The following SIPA1L1 variants were observed in gnomAD, a reference collection of about 807,000 sequenced individuals.
The protein encoded by SIPA1L1 is signal induced proliferation associated 1 like 1.
A neutral mutation model predicts 162.7 loss-of-function variants in SIPA1L1; 26 were observed. That is an observed-to-expected ratio of 0.16 (90% CI 0.12 to 0.22). The LOEUF (loss-of-function observed/expected upper bound fraction) is 0.22. SIPA1L1 is among the 10% of genes least tolerant of loss of function. SIPA1L1 has a pLI of 1.00. For synonymous variants in SIPA1L1, 829 were observed against 837.4 expected, an observed-to-expected ratio of 0.99 and a Z score of 0.17; for missense variants, 1,874 against 2,241.0, an observed-to-expected ratio of 0.84 and a Z score of 3.31.
At chr14:71,373,347 G>A (rs1396508139) in intron 2 of SIPA1L1, among the ~76,000 whole-genome samples, 1 of 151,674 alleles carries the variant, frequency 6.6e-6, no homozygotes, top group Non-Finnish European at 1.5e-5. Flanking sequence ...TATTGGACGG[G>A]TGTGGTAGCT....
chr14:71,388,939 T>A (rs1385781987), intron 2 of SIPA1L1, among the ~76,000 whole-genome samples: 1 of 152,108 alleles, frequency 6.6e-6, no homozygotes, highest in Non-Finnish European at 1.5e-5. Context: ...ATAAATAGGT[T>A]TTTAGTTTTT....
intron 2 of SIPA1L1, chr14:71,414,099 C>G (rs1441507049): frequency 1.3e-5 from 2 of 152,138 alleles, no homozygotes; most frequent in African/African-American, 4.8e-5. Context: ...TGCTATTTGG[C>G]CAGGCGCTGT....
At chr14:71,703,737 A>G (rs2082252593) in intron 15 of SIPA1L1, among the ~76,000 whole-genome samples, 1 of 152,210 alleles carries the variant, frequency 6.6e-6, no homozygotes, top group Admixed American at 6.5e-5. Context: ...GCTTTGAACA[A>G]GGCTGCCAGC....
intron 2 of SIPA1L1, among the ~76,000 whole-genome samples, chr14:71,413,536 A>C (rs149601714): frequency 3.1e-4 from 47 of 152,006 alleles, no homozygotes; most frequent in African/African-American, 1.1e-3. Flanking sequence ...TGAGGAGTTC[A>C]AGATTAGCCT....
chr14:71,671,060 T>C (rs2044470210), intron 10 of SIPA1L1, 59 bp from the exon 11 acceptor site: 1 of 1,333,146 alleles, frequency 7.5e-7, no homozygotes, highest in African/African-American at 1.5e-5. Context: ...GTATATTTTA[T>C]TCTGATGTTG....
chr14:71,486,543 C>T (rs2048770443), intron 2 of SIPA1L1, among the ~76,000 whole-genome samples: 1 of 152,160 alleles, frequency 6.6e-6, no homozygotes, highest in South Asian at 2.1e-4. Context: ...CTTTGCCAGC[C>T]CAAATAAAAT....
chr14:71,719,499 T>C lies in SIPA1L1; in HGVS notation c.4209-4148T>C, dbSNP rs141751010. 9.8e-5 allele frequency among the ~76,000 whole-genome samples: 15 copies of C among 152,288 alleles called. No homozygotes were observed. In the East Asian group the frequency reaches 1.9e-3, roughly 20 times the overall value. On this transcript the variant is annotated intron_variant, in intron 17 of 23. Coordinates refer to ENST00000381232, the MANE Select transcript of SIPA1L1 (RefSeq NM_001386936.1). ...CTGGTAGGTGTGTAATGGTCCTTCA[T>C]TGTGGTTTTAATTTACATTTTCCTA...
intron 3 of SIPA1L1, among the ~76,000 whole-genome samples, chr14:71,517,938 A>G (rs1470950823): frequency 6.6e-6 from 1 of 151,816 alleles, no homozygotes; most frequent in Non-Finnish European, 1.5e-5. Context: ...TATTTTCTTC[A>G]TGGTATCCTT....
At chr14:71,590,241 G>A (rs2035211776) in intron 5 of SIPA1L1, among the ~76,000 whole-genome samples, 1 of 151,766 alleles carries the variant, frequency 6.6e-6, no homozygotes, top group Non-Finnish European at 1.5e-5. Flanking sequence ...TAAGGAATGA[G>A]TTTAAGTCAT....
At chr14:71,680,696 A>G (rs184718528) in intron 12 of SIPA1L1, among the ~76,000 whole-genome samples, 46 of 152,350 alleles carry the variant, frequency 3.0e-4, no homozygotes, top group African/African-American at 1.1e-3. Flanking sequence ...AGACTAATAA[A>G]GAAGAAAAGG....
At chr14:71,366,138 G>A (rs41225) in intron 2 of SIPA1L1, among the ~76,000 whole-genome samples, 73,099 of 151,760 alleles carry the variant, frequency 0.48, 18,207 homozygotes, top group Admixed American at 0.54. Flanking sequence ...GGCCTGGGTA[G>A]TTAGTATTTT....
At chr14:71,543,749 A>G (rs945499287) in intron 4 of SIPA1L1, among the ~76,000 whole-genome samples, 2 of 126,654 alleles carry the variant, frequency 1.6e-5, no homozygotes, top group Admixed American at 1.6e-4. Context: ...CTGTTTTTCT[A>G]AATTATCTTC....
intron 2 of SIPA1L1, among the ~76,000 whole-genome samples, chr14:71,352,957 A>G (rs2036866143): frequency 6.6e-6 from 1 of 152,098 alleles, no homozygotes; most frequent in Admixed American, 6.6e-5. Flanking sequence ...TTTATTGGCC[A>G]TTTTGAACCA....
intron 17 of SIPA1L1, among the ~76,000 whole-genome samples, chr14:71,714,921 C>T (rs2083152109): frequency 6.6e-6 from 1 of 152,156 alleles, no homozygotes; most frequent in Non-Finnish European, 1.5e-5. Flanking sequence ...ATAATAAGTC[C>T]TCTCCCTTTT....
chr14:71,373,819 A>C (rs1055158784), intron 2 of SIPA1L1, among the ~76,000 whole-genome samples: 3 of 152,030 alleles, frequency 2.0e-5, no homozygotes, highest in Admixed American at 1.3e-4. Flanking sequence ...TAATTCTAGC[A>C]CTTTGGGAGG....
At chr14:71,702,542 T>C (rs770084966) in intron 15 of SIPA1L1, 37 bp downstream of exon 15, 94 of 1,604,250 alleles carry the variant, frequency 5.9e-5, no homozygotes, top group Non-Finnish European at 7.2e-5. Context: ...AAGTTGCTTT[T>C]ACAAGGTGAC....
intron 3 of SIPA1L1, among the ~76,000 whole-genome samples, chr14:71,517,215 C>T (rs1337560156): frequency 1.3e-5 from 2 of 151,970 alleles, no homozygotes; most frequent in Non-Finnish European, 2.9e-5. Context: ...GTCTTGGAAA[C>T]ATCTAGAATA....
intron 2 of SIPA1L1, among the ~76,000 whole-genome samples, chr14:71,438,476 G>A (rs1395547513): frequency 6.6e-6 from 1 of 152,084 alleles, no homozygotes; most frequent in Non-Finnish European, 1.5e-5. Flanking sequence ...TTTGTTCTTC[G>A]TTCCTTTTTC....
intron 5 of SIPA1L1, among the ~76,000 whole-genome samples, chr14:71,612,568 A>G (rs141644685): frequency 2.0e-4 from 30 of 152,316 alleles, no homozygotes; most frequent in African/African-American, 6.7e-4. Context: ...TATGCTATAG[A>G]TGTCCTCAGG....
Sources: gnomAD v4.1 joint callset for allele counts (sites outside exome capture counted in the v4.1 genomes callset) on GRCh38, gnomAD v4.1.1 for gene constraint, MANE v1.5 for transcripts, NCBI Gene and HGNC (gene_info 2026-07-23, HGNC 2026-07-21) for gene names.